The following KCNH1 variants were observed in gnomAD, a reference collection of about 807,000 sequenced individuals.
KCNH1 encodes the protein potassium voltage-gated channel subfamily H member 1.
A neutral mutation model predicts 69.2 loss-of-function variants in KCNH1; 27 were observed. That is an observed-to-expected ratio of 0.39 (90% CI 0.29 to 0.54). The LOEUF (loss-of-function observed/expected upper bound fraction) is 0.54. KCNH1 is among the 20% of genes least tolerant of loss of function. The pLI is 0.68. For missense variants in KCNH1, 798 were observed against 1,261.6 expected, an observed-to-expected ratio of 0.63 and a Z score of 5.57; for synonymous variants, 456 against 487.7, an observed-to-expected ratio of 0.93 and a Z score of 0.86.
chr1:211,024,198 T>A (rs1285939111), intron 5 of KCNH1, among the ~76,000 whole-genome samples: 1 of 152,116 alleles, frequency 6.6e-6, no homozygotes, highest in Non-Finnish European at 1.5e-5. Context: ...AGCAGACAAA[T>A]CAAAATCATT....
intron 6 of KCNH1, among the ~76,000 whole-genome samples, chr1:210,960,706 T>C (rs974738198): frequency 1.3e-5 from 2 of 152,200 alleles, no homozygotes; most frequent in African/African-American, 4.8e-5. Context: ...TATATAAAGC[T>C]GCTATGAAGA....
At chr1:210,734,148 C>T (rs1035435476) in intron 10 of KCNH1, among the ~76,000 whole-genome samples, 6 of 152,140 alleles carry the variant, frequency 3.9e-5, no homozygotes, top group Admixed American at 6.5e-5. Flanking sequence ...TCATTATTTA[C>T]GCTACATTGA....
intron 10 of KCNH1, among the ~76,000 whole-genome samples, chr1:210,687,614 C>A (rs1476555498): frequency 6.6e-6 from 1 of 152,212 alleles, no homozygotes; most frequent in Admixed American, 6.5e-5. Context: ...GGGGACAAGG[C>A]AAAAGGAGTT....
chr1:210,933,942 G>A (rs1472648288), intron 6 of KCNH1, among the ~76,000 whole-genome samples: 1 of 152,162 alleles, frequency 6.6e-6, no homozygotes, highest in Non-Finnish European at 1.5e-5. Flanking sequence ...GGAAAGGACA[G>A]TATCTTCAAT....
chr1:210,765,182 A>G (rs555769786), intron 10 of KCNH1, among the ~76,000 whole-genome samples: 197 of 152,220 alleles, frequency 1.3e-3, no homozygotes, highest in African/African-American at 4.7e-3. Context: ...AAAGATGGGA[A>G]CAATAAACAC....
At chr1:210,749,424 CAATACCCACAGGGCCCTAGTGGT>C (rs1683233875) in intron 10 of KCNH1, among the ~76,000 whole-genome samples, 1 of 152,170 alleles carries the variant, frequency 6.6e-6, no homozygotes, top group African/African-American at 2.4e-5. Flanking sequence ...ACAGCATGAG[CAATACCCACAGGGCCCTAGTGGT>C]AATGAACAGT....
Position 210,775,617 on chromosome 1 carries a change from T to C in KCNH1, c.1916-73A>G, listed in dbSNP as rs577243388. ...TGCCCATCCAGCTGGCTTCCCTCTA[T>C]TCCCCAGAATTGCTGTCCTTTCAGC... On this transcript the variant is annotated intron_variant, in intron 9 of 10. Transcript: ENST00000271751. 13 of 1,115,166 alleles carry C rather than the reference T, an allele frequency of 1.2e-5. No individual in the cohort carries two copies. The East Asian group carries it at 3.1e-4, about 26-fold the overall frequency. The allele number at this position is 1,115,166 out of a possible 1,614,324, so 69.1% of individuals were successfully genotyped here.
At chr1:210,792,244 C>T (rs904607992) in intron 9 of KCNH1, among the ~76,000 whole-genome samples, 1 of 152,134 alleles carries the variant, frequency 6.6e-6, no homozygotes, top group Non-Finnish European at 1.5e-5. Context: ...TTTCCTGAGC[C>T]TCTCTGCTAG....
intron 6 of KCNH1, among the ~76,000 whole-genome samples, chr1:210,966,514 CA>C (rs1439200237): frequency 6.6e-6 from 1 of 152,036 alleles, no homozygotes; most frequent in Non-Finnish European, 1.5e-5. Context: ...GCAGAATCTA[CA>C]AAGAACTTAT....
chr1:211,048,984 G>C (rs181495027), intron 5 of KCNH1, among the ~76,000 whole-genome samples: 4 of 151,952 alleles, frequency 2.6e-5, no homozygotes, highest in African/African-American at 9.6e-5. Context: ...AAGAAAAGCA[G>C]AACTGAAATA....
intron 1 of KCNH1, among the ~76,000 whole-genome samples, chr1:211,118,893 G>T (rs1035281361): frequency 6.6e-6 from 1 of 152,178 alleles, no homozygotes; most frequent in South Asian, 2.1e-4. Context: ...CATTCAGCTC[G>T]CAGTTCACAC....
intron 6 of KCNH1, among the ~76,000 whole-genome samples, chr1:210,967,612 G>A (rs762191246): frequency 5.3e-5 from 8 of 151,988 alleles, no homozygotes; most frequent in Non-Finnish European, 1.0e-4. Flanking sequence ...CCTGATATAC[G>A]GATCTGTTTC....
At chr1:210,957,503 T>C (rs1235002525) in intron 6 of KCNH1, among the ~76,000 whole-genome samples, 1 of 152,132 alleles carries the variant, frequency 6.6e-6, no homozygotes, top group African/African-American at 2.4e-5. Flanking sequence ...TGTCTAATAT[T>C]GACAATGGGG....
At chr1:210,971,645 C>A (rs1558547689) in intron 6 of KCNH1, among the ~76,000 whole-genome samples, 1 of 152,042 alleles carries the variant, frequency 6.6e-6, no homozygotes, top group African/African-American at 2.4e-5. Flanking sequence ...TCAGTGCAGT[C>A]TTGTGGGTAA....
intron 7 of KCNH1, among the ~76,000 whole-genome samples, chr1:210,811,344 T>C (rs1052788703): frequency 4.6e-5 from 7 of 152,196 alleles, no homozygotes; most frequent in African/African-American, 1.7e-4. Context: ...GAGGTACTTA[T>C]TGTCACTAAT....
At chr1:210,756,812 A>G (rs77091605) in intron 10 of KCNH1, among the ~76,000 whole-genome samples, 4,129 of 152,232 alleles carry the variant, frequency 0.027, 113 homozygotes, top group East Asian at 0.14. Context: ...CCTACCCTGA[A>G]AGTCTGAGAC....
At chr1:211,106,175 C>T (rs1000913413) in intron 2 of KCNH1, among the ~76,000 whole-genome samples, 2 of 152,142 alleles carry the variant, frequency 1.3e-5, no homozygotes, top group African/African-American at 4.8e-5. Context: ...ATGCAAACAC[C>T]ACTGAAGACA....
chr1:211,098,428 G>A (rs1691198715), intron 3 of KCNH1, among the ~76,000 whole-genome samples: 1 of 151,972 alleles, frequency 6.6e-6, no homozygotes, highest in South Asian at 2.1e-4. Context: ...TTTCCGAATG[G>A]CCAATAGATA....
chr1:210,764,574 C>T lies in KCNH1; in HGVS notation c.2112+10774G>A, dbSNP rs572101093. On this transcript the variant is annotated intron_variant, in intron 10 of 10. Transcript: ENST00000271751. ...GCAAACGACATGAACAGATGCTTCT[C>T]AAAGGAAGACATCCTAATGGCCAAG... is the stretch of plus-strand genomic sequence containing the variant. Among the ~76,000 whole-genome samples, 8 of 152,188 alleles carry T rather than the reference C, an allele frequency of 5.3e-5. No homozygotes were observed. In the South Asian group the frequency reaches 1.7e-3, roughly 32 times the overall value.
Sources: gnomAD v4.1 joint callset for allele counts (sites outside exome capture counted in the v4.1 genomes callset) on GRCh38, gnomAD v4.1.1 for gene constraint, MANE v1.5 for transcripts, NCBI Gene and HGNC (gene_info 2026-07-23, HGNC 2026-07-21) for gene names.